The following CENPP variants were observed in gnomAD, a reference collection of about 807,000 sequenced individuals.
CENPP encodes the protein centromere protein P.
CENPP carries 24 observed loss-of-function variants against 35.6 expected under a neutral mutation model. The ratio of observed to expected loss-of-function variants is 0.67; its 90% CI spans 0.49 to 0.95. The LOEUF (loss-of-function observed/expected upper bound fraction) is 0.95. CENPP is among the 40% of genes least tolerant of loss of function. The probability of loss-of-function intolerance (pLI) is 0.00; values close to 1 mark genes in which losing one functional copy is unlikely to be tolerated. For missense variants in CENPP, 332 were observed against 345.3 expected (o/e 0.96, Z 0.31); for synonymous variants, 120 against 125.5 (o/e 0.96, Z 0.29).
At chr9:92,351,412 G>A (rs752518377) in intron 4 of CENPP, among the ~76,000 whole-genome samples, 2 of 151,136 alleles carry the variant, frequency 1.3e-5, no homozygotes, top group South Asian at 2.1e-4. Flanking sequence ...CCTGGGAGGC[G>A]GAGGTTGTGG....
intron 5 of CENPP, among the ~76,000 whole-genome samples, chr9:92,444,367 G>C (rs73520539): frequency 0.031 from 4,695 of 151,354 alleles, 255 homozygotes; most frequent in African/African-American, 0.11. Flanking sequence ...TAAGTATTGA[G>C]TGGTAGGAAT....
intron 5 of CENPP, among the ~76,000 whole-genome samples, chr9:92,597,638 A>ATG (rs1331390417): frequency 6.6e-6 from 1 of 152,228 alleles, no homozygotes; most frequent in Non-Finnish European, 1.5e-5. Context: ...TTACATTGAT[A>ATG]TGTGTGTGTA....
At chr9:92,474,830 T>A (rs377478533) in intron 5 of CENPP, 120 of 1,613,786 alleles carry the variant, frequency 7.4e-5, no homozygotes, top group Non-Finnish European at 9.7e-5. Context: ...CAGTGCGATG[T>A]GTGAAGGGCT....
chr9:92,492,934 C>T (rs923529532), intron 5 of CENPP, among the ~76,000 whole-genome samples: 6 of 152,188 alleles, frequency 3.9e-5, no homozygotes, highest in Non-Finnish European at 5.9e-5. Flanking sequence ...GTCGACTAGC[C>T]ATTTAAGGCG....
At chr9:92,563,067 A>AT (rs1849885568) in intron 5 of CENPP, among the ~76,000 whole-genome samples, 1 of 152,174 alleles carries the variant, frequency 6.6e-6, no homozygotes. Context: ...ATTCTGACAG[A>AT]TATGTGAATG....
chr9:92,515,581 T>C (rs1847651913), intron 5 of CENPP, among the ~76,000 whole-genome samples: 1 of 152,240 alleles, frequency 6.6e-6, no homozygotes, highest in African/African-American at 2.4e-5. Context: ...TTATAATAGA[T>C]ACTGTTCTGT....
At chr9:92,569,671 A>C (rs1850084909) in intron 5 of CENPP, among the ~76,000 whole-genome samples, 1 of 152,234 alleles carries the variant, frequency 6.6e-6, no homozygotes, top group Non-Finnish European at 1.5e-5. Context: ...TACCTTGGGC[A>C]GTATGGCCAT....
At chr9:92,600,495 G>T in intron 5 of CENPP, 2 of 1,612,908 alleles carry the variant, frequency 1.2e-6, no homozygotes, top group Non-Finnish European at 1.7e-6. Context: ...GTTCTGCAAA[G>T]GTCTGGAGAT....
At chr9:92,395,380 CAGT>C (rs1842853004) in intron 5 of CENPP, among the ~76,000 whole-genome samples, 2 of 152,080 alleles carry the variant, frequency 1.3e-5, no homozygotes, top group African/African-American at 2.4e-5. Flanking sequence ...CTTTATTACT[CAGT>C]AGTATTCAAT....
intron 5 of CENPP, among the ~76,000 whole-genome samples, chr9:92,546,735 A>G (rs1480526696): frequency 3.3e-5 from 5 of 152,210 alleles, no homozygotes; most frequent in East Asian, 3.8e-4. Flanking sequence ...TTCTGCACAC[A>G]ATACTATGAA....
intron 5 of CENPP, among the ~76,000 whole-genome samples, chr9:92,412,685 T>G (rs1340667924): frequency 6.6e-6 from 1 of 152,238 alleles, no homozygotes; most frequent in East Asian, 1.9e-4. Context: ...CATATGTCAG[T>G]GCTTCGTTAC....
chr9:92,510,290 C>T (rs1847257015), intron 5 of CENPP, among the ~76,000 whole-genome samples: 1 of 152,168 alleles, frequency 6.6e-6, no homozygotes, highest in Non-Finnish European at 1.5e-5. Context: ...TATATTGCAG[C>T]TTTAGAAAGT....
intron 5 of CENPP, among the ~76,000 whole-genome samples, chr9:92,515,585 G>A (rs762806377): frequency 6.6e-5 from 10 of 152,178 alleles, no homozygotes; most frequent in Non-Finnish European, 1.3e-4. Context: ...AATAGATACT[G>A]TTCTGTTCAC....
At chr9:92,578,842 T>TG (rs1850349298) in intron 5 of CENPP, among the ~76,000 whole-genome samples, 1 of 152,210 alleles carries the variant, frequency 6.6e-6, no homozygotes, top group Non-Finnish European at 1.5e-5. Context: ...TTGTTGCCAT[T>TG]GCTTTTGGTG....
intron 5 of CENPP, among the ~76,000 whole-genome samples, chr9:92,518,715 C>T (rs1295546977): frequency 6.6e-6 from 1 of 152,026 alleles, no homozygotes; most frequent in Non-Finnish European, 1.5e-5. Flanking sequence ...ATGGTGAAAC[C>T]CCATCTCCTC....
chr9:92,486,717 T>G (rs956455740), intron 5 of CENPP, among the ~76,000 whole-genome samples: 3 of 152,234 alleles, frequency 2.0e-5, no homozygotes, highest in Non-Finnish European at 4.4e-5. Context: ...TAAATGTTCA[T>G]TCCGTTGAAT....
intron 3 of CENPP, among the ~76,000 whole-genome samples, chr9:92,338,315 CA>C (rs370586086): frequency 0.032 from 4,705 of 147,334 alleles, 109 homozygotes; most frequent in South Asian, 0.081. Context: ...CTGTCACACA[CA>C]AAAAAAAAAC....
intron 5 of CENPP, chr9:92,415,476 C>A (rs764103302): frequency 6.5e-7 from 1 of 1,546,780 alleles, no homozygotes; most frequent in Admixed American, 2.0e-5. Context: ...TAAGATTCAT[C>A]TCTGAAAGAA....
intron 5 of CENPP, among the ~76,000 whole-genome samples, chr9:92,590,998 C>T (rs1027615895): frequency 6.6e-6 from 1 of 152,166 alleles, no homozygotes; most frequent in African/African-American, 2.4e-5. Flanking sequence ...AGGGAGTCAA[C>T]ATTAAAGTCT....
Sources: gnomAD v4.1 joint callset for allele counts (sites outside exome capture counted in the v4.1 genomes callset) on GRCh38, gnomAD v4.1.1 for gene constraint, MANE v1.5 for transcripts, NCBI Gene and HGNC (gene_info 2026-07-23, HGNC 2026-07-21) for gene names.